Variants in MFHAS1 observed in about 807,000 individuals in gnomAD.
The protein encoded by MFHAS1 is malignant fibrous histiocytoma-amplified sequence 1.
Under a neutral mutation model 70.4 loss-of-function variants are expected in MFHAS1, and 50 were observed. The observed-to-expected ratio is 0.71, with a 90% CI of 0.57 to 0.90. MFHAS1 has a LOEUF of 0.90. Ranked by LOEUF, MFHAS1 falls within the 40% of genes least tolerant of loss-of-function variation. MFHAS1 has a pLI of 0.00. For missense variants in MFHAS1, 1,795 were observed against 1,347.6 expected (o/e 1.33, Z -5.20); for synonymous variants, 952 against 620.0 (o/e 1.54, Z -7.96).
At chr8:8,867,369 A>G (rs1808897678) in intron 1 of MFHAS1, among the ~76,000 whole-genome samples, 1 of 152,110 alleles carries the variant, frequency 6.6e-6, no homozygotes, top group Non-Finnish European at 1.5e-5. Flanking sequence ...ATAAAATAAA[A>G]CATTCCTAAA....
chr8:8,891,994 C>G lies in MFHAS1; in HGVS notation c.1065G>C (p.Ala355=), dbSNP rs1298222326. 3 of 1,613,396 alleles carry G rather than the reference C, an allele frequency of 1.9e-6. No homozygotes were observed. Among genetic ancestry groups the G allele is most frequent in the East Asian group, 2.2e-5 (1 of 44,874 alleles). The change falls in exon 1 of 3, where the codon GCG becomes GCC. Residue 355 remains alanine, a synonymous_variant. Coordinates refer to ENST00000276282, the MANE Select transcript of MFHAS1 (RefSeq NM_004225.3). This position sits in a 1 kb window ranked among gnomAD's most constrained non-coding sequence, Gnocchi z 5.4. ...GCTGGCCAAAGTGGTCGGGCAGCAC[C>G]GCGATCTGGTTCCCCTGCAGCACGA... ...EELVLQGNQI[A]VLPDHFGQLS...
chr8:8,887,908 T>C lies in MFHAS1; in HGVS notation c.2998+2153A>G, dbSNP rs17154885. Among the ~76,000 whole-genome samples, 643 of 151,212 alleles carry C rather than the reference T, an allele frequency of 4.3e-3. 8 individuals carry two copies. Among genetic ancestry groups the C allele is most frequent in the African/African-American group, 0.015 (622 of 41,286 alleles). On this transcript the variant is annotated intron_variant, in intron 1 of 2. Coordinates refer to ENST00000276282, the MANE Select transcript of MFHAS1 (RefSeq NM_004225.3). The stretch of plus-strand genomic sequence containing the variant: ...CAGCCTCGCCCCTAACTCCTCAAAG[T>C]TCTTAGAAGATCTTTACTTGCTCAA...
chr8:8,890,402 A>C lies in MFHAS1; in HGVS notation c.2657T>G (p.Phe886Cys). 6.2e-7 allele frequency: 1 copy of C among 1,614,092 alleles called. No homozygotes were observed. The highest frequency in any genetic ancestry group is 2.2e-5 in the East Asian group (1 of 44,882). The change falls in exon 1 of 3, where the codon TTT becomes TGT. Residue 886 changes from phenylalanine (F) to cysteine (C), a missense_variant. By Grantham distance (205) the Phe-to-Cys change is radical. Transcript: ENST00000276282. ...VAEQLQIEYS[F>C]PFTFPLGLFA... Reference sequence around the variant, plus strand: ...CAACCCAAGTGGAAAAGTAAAAGGAAAGCTATATTCAATCTGCAACTGCTC... The same window carrying C: ...CAACCCAAGTGGAAAAGTAAAAGGACAGCTATATTCAATCTGCAACTGCTC...
At chr8:8,849,405 T>C (rs1386260377) in intron 1 of MFHAS1, among the ~76,000 whole-genome samples, 4 of 152,192 alleles carry the variant, frequency 2.6e-5, no homozygotes, top group African/African-American at 7.2e-5. Context: ...TCTGAAAGCC[T>C]TGCAGAAAGT....
At position 8,892,681 on chromosome 8, in the gene MFHAS1, C is replaced by A; in HGVS notation, c.378G>T (p.Leu126=). 6.3e-7 allele frequency: 1 copy of A among 1,580,504 alleles called. No homozygotes were observed. The change falls in exon 1 of 3, where the codon CTG becomes CTT. Residue 126 remains leucine (L), a synonymous_variant. Transcript: ENST00000276282. The surrounding 1 kb of genome is among the most constrained non-coding windows in gnomAD (Gnocchi z 4.7). ...TCAGAGCACTCACCACCTCCGCGCC[C>A]AGGGCGGTCAGCCGGTTGTGGCTCA... The part of the protein sequence containing the change: ...LDVSHNRLTA[L]GAEVVSALRE...
At chr8:8,878,655 C>T (rs1809388437) in intron 1 of MFHAS1, among the ~76,000 whole-genome samples, 1 of 149,482 alleles carries the variant, frequency 6.7e-6, no homozygotes, top group Admixed American at 6.7e-5. Flanking sequence ...TTAAAAATTC[C>T]TTCTTTTCAA....
In MFHAS1 at chr8:8,893,095, G is replaced by C; in HGVS notation, c.-37C>G. ...GGGCCGACAGCCTCACGCGGACGCG[G>C]GAGCCCGCAGCTACATGCCGCGCCG... On this transcript the variant is annotated 5_prime_UTR_variant, in exon 1 of 3. Coordinates refer to ENST00000276282, the MANE Select transcript of MFHAS1 (RefSeq NM_004225.3). 1 of 1,401,926 alleles carries C rather than the reference G, an allele frequency of 7.1e-7. No homozygotes were observed. The highest frequency in any genetic ancestry group is 9.3e-7 in the Non-Finnish European group (1 of 1,076,410). The allele number at this position is 1,401,926 out of a possible 1,614,324, so 86.8% of individuals were successfully genotyped here.
intron 1 of MFHAS1, among the ~76,000 whole-genome samples, chr8:8,879,360 A>C (rs1563217581): frequency 2.0e-5 from 3 of 152,226 alleles, no homozygotes; most frequent in African/African-American, 7.2e-5. Context: ...TCAAAAAAAA[A>C]AGGTAAGGAC....
At chr8:8,860,131 C>T (rs952140878) in intron 1 of MFHAS1, 2 of 152,188 alleles carry the variant, frequency 1.3e-5, no homozygotes, top group South Asian at 2.1e-4. Flanking sequence ...GCAAATCCTT[C>T]ATCAAGAGTC....
intron 1 of MFHAS1, among the ~76,000 whole-genome samples, chr8:8,874,684 G>A (rs568206361): frequency 6.6e-6 from 1 of 152,004 alleles, no homozygotes; most frequent in African/African-American, 2.4e-5. Context: ...GATTCCCGCT[G>A]TCACCTCTGT....
At chr8:8,859,884 C>G (rs569095689) in intron 1 of MFHAS1, 10 of 152,278 alleles carry the variant, frequency 6.6e-5, no homozygotes, top group African/African-American at 2.4e-4. Context: ...GTTCAAGGGT[C>G]AACTGTATTT....
chr8:8,796,022 T>C (rs1805880596), intron 2 of MFHAS1, among the ~76,000 whole-genome samples: 1 of 152,166 alleles, frequency 6.6e-6, no homozygotes, highest in Non-Finnish European at 1.5e-5. Context: ...GGCTGCTGCT[T>C]TTCAGGATTT....
intron 1 of MFHAS1, among the ~76,000 whole-genome samples, chr8:8,837,618 G>C (rs1044033137): frequency 2.0e-5 from 3 of 151,934 alleles, no homozygotes; most frequent in Non-Finnish European, 4.4e-5. Flanking sequence ...ACTCCAGCCT[G>C]GGCGACAGAG....
chr8:8,792,550 G>A (rs940626443), intron 2 of MFHAS1, among the ~76,000 whole-genome samples: 2 of 152,240 alleles, frequency 1.3e-5, no homozygotes, highest in East Asian at 1.9e-4. Flanking sequence ...AGGTTGTGGT[G>A]AGCCAAGATC....
chr8:8,867,837 G>A (rs1010330442), intron 1 of MFHAS1, among the ~76,000 whole-genome samples: 1 of 152,106 alleles, frequency 6.6e-6, no homozygotes, highest in African/African-American at 2.4e-5. Context: ...GATTACAGGC[G>A]TGAGCCACCG....
chr8:8,824,223 G>A (rs563914206), intron 1 of MFHAS1, among the ~76,000 whole-genome samples: 17 of 151,928 alleles, frequency 1.1e-4, no homozygotes, highest in African/African-American at 3.9e-4. Flanking sequence ...GGCTCTGCGG[G>A]GAGCAGGATG....
intron 1 of MFHAS1, among the ~76,000 whole-genome samples, chr8:8,831,275 C>T (rs1380786069): frequency 2.0e-5 from 3 of 152,052 alleles, no homozygotes; most frequent in Non-Finnish European, 4.4e-5. Flanking sequence ...GGGGCTTCAA[C>T]ATATAATTTG....
chr8:8,870,384 T>A (rs553921973), intron 1 of MFHAS1, among the ~76,000 whole-genome samples: 9 of 151,952 alleles, frequency 5.9e-5, no homozygotes, highest in African/African-American at 1.7e-4. Context: ...AAGGATAGCT[T>A]GAGCCCAGGA....
intron 1 of MFHAS1, among the ~76,000 whole-genome samples, chr8:8,861,413 G>A (rs1808656399): frequency 6.6e-6 from 1 of 152,038 alleles, no homozygotes; most frequent in South Asian, 2.1e-4. Flanking sequence ...ACAAACTAAG[G>A]TAGAAAATCT....
Sources: allele counts gnomAD v4.1 joint callset (sites outside exome capture counted in the v4.1 genomes callset), GRCh38; gene constraint gnomAD v4.1.1; non-coding constraint Gnocchi (gnomAD v3.1); transcripts MANE v1.5; gene names NCBI Gene and HGNC (gene_info 2026-07-23, HGNC 2026-07-21).